TIMM50: variants seen among roughly 807,000 people sequenced by gnomAD.
TIMM50 encodes the protein mitochondrial import inner membrane translocase subunit TIM50.
Under a neutral mutation model 49.6 loss-of-function variants are expected in TIMM50, and 34 were observed. That is an observed-to-expected ratio of 0.69 (90% CI 0.52 to 0.91). The LOEUF is 0.91. Ranked by LOEUF, TIMM50 falls within the 40% of genes least tolerant of loss-of-function variation. TIMM50 has a pLI of 0.00. For missense variants in TIMM50, 458 were observed against 477.8 expected, an observed-to-expected ratio of 0.96 and a Z score of 0.39; for synonymous variants, 199 against 198.4, an observed-to-expected ratio of 1.00 and a Z score of -0.03.
At position 39,493,166 on chromosome 19, in the gene TIMM50, T is replaced by G. The variant is rs2079559487; in HGVS notation, c.*3346T>G. 1 of 152,100 alleles carries G rather than the reference T, an allele frequency of 6.6e-6. No individual in the cohort carries two copies. The highest frequency in any genetic ancestry group is 2.4e-5 in the African/African-American group (1 of 41,410). 9.4% of individuals were successfully genotyped at this position (152,100 alleles called of 1,614,324 possible). ...CATGACTCTTTGTCCTGGGGTGCAC[T>G]GTCTGTAAGCCGGTGGAGTTATTTC... On this transcript the variant is annotated 3_prime_UTR_variant, in exon 11 of 11. Transcript: ENST00000607714.
intron 1 of TIMM50, 45 bp from the exon 2 acceptor site, chr19:39,481,838 T>A: frequency 6.3e-7 from 1 of 1,595,326 alleles, no homozygotes; most frequent in Non-Finnish European, 8.5e-7. Flanking sequence ...GGGACCATCC[T>A]GACCTCTCTT....
rs2079534178 is a variant in TIMM50, at chr19:39,489,961, A to G, written c.*141A>G. On this transcript the variant is annotated 3_prime_UTR_variant, in exon 11 of 11. Coordinates refer to ENST00000607714, the MANE Select transcript of TIMM50 (RefSeq NM_001001563.5). Reference sequence around the variant, plus strand: ...CCGAGAGTCTCCAGATGGGGGCATCAGGGTGAGGTCCGGGACTCTTGGGTC... The same window carrying G: ...CCGAGAGTCTCCAGATGGGGGCATCGGGGTGAGGTCCGGGACTCTTGGGTC... 5 of 797,792 alleles carry G rather than the reference A, an allele frequency of 6.3e-6. No individual in the cohort carries two copies. The South Asian group carries it at 8.3e-5, about 13-fold the overall frequency. The allele number at this position is 797,792 out of a possible 1,614,324, so 49.4% of individuals were successfully genotyped here.
At chr19:39,483,998 CGCACACCACCACACTCAGCTAATT>C (rs2079489127) in intron 4 of TIMM50, among the ~76,000 whole-genome samples, 2 of 151,978 alleles carry the variant, frequency 1.3e-5, no homozygotes, top group East Asian at 3.9e-4. Flanking sequence ...GGAGTACAGG[CGCACACCACCACACTCAGCTAATT>C]TTTATAGTTT....
At chr19:39,486,321 T>G (rs773733817) in intron 7 of TIMM50, 30 bp downstream of exon 7, 3 of 1,613,366 alleles carry the variant, frequency 1.9e-6, no homozygotes, top group Non-Finnish European at 2.5e-6. Context: ...GAGGGAATAT[T>G]GGTGTGGTGG....
At chr19:39,481,199 G>T (rs1041673467) in intron 1 of TIMM50, 4 of 564,108 alleles carry the variant, frequency 7.1e-6, no homozygotes, top group South Asian at 4.8e-5. Context: ...GGAGGAGGGG[G>T]TTACCGTTCC....
intron 10 of TIMM50, 98 bp from the exon 11 acceptor site, chr19:39,489,621 A>AGGT: frequency 1.7e-6 from 2 of 1,162,362 alleles, no homozygotes; most frequent in Non-Finnish European, 2.4e-6. Context: ...TCAGAAGGAA[A>AGGT]GGTGGTCCCT....
intron 10 of TIMM50, 49 bp downstream of exon 10, chr19:39,488,694 A>AG: frequency 1.4e-6 from 2 of 1,472,876 alleles, no homozygotes; most frequent in Non-Finnish European, 1.9e-6. Context: ...AGGCTCCTGA[A>AG]GGAGGAGCCT....
Position 39,481,917 on chromosome 19 carries a change from C to T in TIMM50, c.143C>T (p.Ala48Val). The T allele has an allele frequency of 2.5e-6, 4 of 1,614,038 alleles. No individual in the cohort carries two copies. The highest frequency in any genetic ancestry group is 1.7e-4 in the Middle Eastern group (1 of 6,056). The change falls in exon 2 of 11, where the codon GCG becomes GTG. Residue 48 changes from alanine (A) to valine (V), a missense_variant. Transcript: ENST00000607714. ...AEIGSRGSTK[A>V]QGPQQQPGSE... Reference sequence around the variant, plus strand: ...ATCGGGAGCCGCGGGAGCACTAAGGCGCAAGGGCCACAGCAGCAGCCGGGC... The same window carrying T: ...ATCGGGAGCCGCGGGAGCACTAAGGTGCAAGGGCCACAGCAGCAGCCGGGC...
At chr19:39,486,525 G>T in intron 8 of TIMM50, 30 bp downstream of exon 8, 1 of 1,603,084 alleles carries the variant, frequency 6.2e-7, no homozygotes, top group South Asian at 1.1e-5. Flanking sequence ...GGGCCTCTGG[G>T]ATTTGGCGGA....
intron 9 of TIMM50, 76 bp from the exon 10 acceptor site, chr19:39,488,463 G>A (rs917396663): frequency 1.4e-5 from 20 of 1,398,420 alleles, no homozygotes; most frequent in South Asian, 2.4e-5. Context: ...GCCCCAGTGC[G>A]GGACGTTCCC....
intron 9 of TIMM50, 96 bp downstream of exon 9, chr19:39,488,313 T>C: frequency 1.4e-6 from 2 of 1,435,898 alleles, no homozygotes; most frequent in Non-Finnish European, 1.9e-6. Context: ...GCGACTGAGG[T>C]GCAAGAGGTG....
Position 39,486,378 on chromosome 19 carries a change from G to C in TIMM50, c.598-19G>C. On this transcript the variant is annotated intron_variant, in intron 7 of 10. Transcript: ENST00000607714. Reference sequence around the variant, plus strand: ...CCAGGGCTCAGCCTGACCTTTTCTCGCTCCCTTCCCACCCCCAGACTGCGT... The same window carrying C: ...CCAGGGCTCAGCCTGACCTTTTCTCCCTCCCTTCCCACCCCCAGACTGCGT... The C allele has an allele frequency of 6.2e-7, 1 of 1,613,628 alleles. No individual in the cohort carries two copies. Among genetic ancestry groups the C allele is most frequent in the Non-Finnish European group, 8.5e-7 (1 of 1,179,602 alleles).
At chr19:39,487,320 A>G (rs549502911) in intron 8 of TIMM50, among the ~76,000 whole-genome samples, 94 of 152,110 alleles carry the variant, frequency 6.2e-4, no homozygotes, top group Middle Eastern at 6.8e-3. Flanking sequence ...CCCAGGCTGG[A>G]GTGCAGTGGT....
Position 39,488,048 on chromosome 19 carries a change from C to T in TIMM50, c.697-13C>T. The T allele has an allele frequency of 6.2e-7, 1 of 1,601,624 alleles. No individual in the cohort carries two copies. Among genetic ancestry groups the T allele is most frequent in the Non-Finnish European group, 8.5e-7 (1 of 1,170,856 alleles). The stretch of plus-strand genomic sequence containing the variant: ...GGGCACAGATGTTGACCTGATCTGT[C>T]ACTCACTTCCAGGATATTTCATGTC... On this transcript the variant is annotated splice_polypyrimidine_tract_variant and intron_variant, in intron 8 of 10. Coordinates refer to ENST00000607714, the MANE Select transcript of TIMM50 (RefSeq NM_001001563.5).
rs2079556738 is a variant in TIMM50, at chr19:39,492,885, A to AAAAAAAAAC, written c.*3072_*3073insACAAAAAAA. On this transcript the variant is annotated 3_prime_UTR_variant, in exon 11 of 11. Coordinates refer to ENST00000607714, the MANE Select transcript of TIMM50 (RefSeq NM_001001563.5). ...GGCTCTGTCTCCAAAAAAAAAAAAA[A>AAAAAAAAAC]AAAAAAACAAAAAAAAAACCAGTTT... 6.9e-6 allele frequency: 1 copy of AAAAAAAAAC among 144,946 alleles called. No individual in the cohort carries two copies. Among genetic ancestry groups the AAAAAAAAAC allele is most frequent in the East Asian group, 2.0e-4 (1 of 5,068 alleles). 9.0% of individuals were successfully genotyped at this position (144,946 alleles called of 1,614,324 possible). A position where few individuals can be genotyped will look rare whatever the true frequency, so the allele number is the denominator to read the frequency against.
intron 4 of TIMM50, 86 bp from the exon 5 acceptor site, chr19:39,485,458 A>T: frequency 6.5e-7 from 1 of 1,533,918 alleles, no homozygotes; most frequent in South Asian, 1.1e-5. Context: ...ACCTGTTTGT[A>T]TCTGGTAGAT....
At position 39,483,348 on chromosome 19, in the gene TIMM50, C is replaced by T. The variant is rs565246513; in HGVS notation, c.313+192C>T. On this transcript the variant is annotated intron_variant, in intron 4 of 10. Transcript: ENST00000607714. ...GCCCACTTCCCTGGCCCCTCAGCCC[C>T]GAGCAGATGGTCAGAGACAGATGGG... 18 of 662,916 alleles carry T rather than the reference C, an allele frequency of 2.7e-5. No individual in the cohort carries two copies. The Middle Eastern group carries it at 1.2e-3, about 43-fold the overall frequency. 41.1% of individuals were successfully genotyped at this position (662,916 alleles called of 1,614,324 possible). A position where few individuals can be genotyped will look rare whatever the true frequency, so the allele number is the denominator to read the frequency against.
At chr19:39,481,860 G>T in intron 1 of TIMM50, 23 bp from the exon 2 acceptor site, 1 of 1,606,936 alleles carries the variant, frequency 6.2e-7, no homozygotes, top group South Asian at 1.1e-5. Context: ...TCTCTTGGCT[G>T]ACCTCCCCTT....
chr19:39,485,968 C>T, intron 6 of TIMM50, 161 bp downstream of exon 6: 1 of 1,235,402 alleles, frequency 8.1e-7, no homozygotes, highest in Non-Finnish European at 1.1e-6. Context: ...ATGCTAACAC[C>T]CACTCTGTAG....
Sources: gnomAD v4.1 joint callset for allele counts (sites outside exome capture counted in the v4.1 genomes callset) on GRCh38, gnomAD v4.1.1 for gene constraint, MANE v1.5 for transcripts, NCBI Gene and HGNC (gene_info 2026-07-23, HGNC 2026-07-21) for gene names.